PRKAG2: variants seen among roughly 807,000 people sequenced by gnomAD.
The protein encoded by PRKAG2 is protein kinase AMP-activated non-catalytic subunit gamma 2.
Under a neutral mutation model 69.6 loss-of-function variants are expected in PRKAG2, and 26 were observed. The ratio of observed to expected loss-of-function variants is 0.37; its 90% CI spans 0.27 to 0.52. PRKAG2 has a LOEUF of 0.52. Among genes scored for constraint, PRKAG2 ranks in the 20% least tolerant of loss-of-function variants. The probability of loss-of-function intolerance (pLI) is 0.90; values close to 1 mark genes in which losing one functional copy is unlikely to be tolerated. For synonymous variants in PRKAG2, 293 were observed against 285.0 expected (o/e 1.03, Z -0.28); for missense variants, 557 against 740.0 (o/e 0.75, Z 2.87).
chr7:151,704,694 A>T (rs1280464689), intron 3 of PRKAG2, among the ~76,000 whole-genome samples: 1 of 152,232 alleles, frequency 6.6e-6, no homozygotes, highest in Non-Finnish European at 1.5e-5. Flanking sequence ...AAGTCTGAGC[A>T]TTTGTGGAAC....
At chr7:151,846,607 C>T (rs1201906815) in intron 1 of PRKAG2, among the ~76,000 whole-genome samples, 6 of 152,174 alleles carry the variant, frequency 3.9e-5, no homozygotes, top group Admixed American at 1.3e-4. Flanking sequence ...TAACTTAGGA[C>T]GCTGGCAGGA....
intron 3 of PRKAG2, among the ~76,000 whole-genome samples, chr7:151,763,698 T>C (rs1287152541): frequency 1.3e-5 from 2 of 152,270 alleles, no homozygotes; most frequent in Non-Finnish European, 2.9e-5. Context: ...GTGACCCATA[T>C]GCCTCCTTGG....
Position 151,596,183 on chromosome 7 carries a change from G to A in PRKAG2, c.755-729C>T, listed in dbSNP as rs182670098. ...AATATGGAAACAAGGAAGTTAAATT[G>A]TCCCTGTTTGCAGATGACATAATCT... On this transcript the variant is annotated intron_variant, in intron 5 of 15. Coordinates refer to ENST00000287878, the MANE Select transcript of PRKAG2 (RefSeq NM_016203.4). Among the ~76,000 whole-genome samples the A allele has an allele frequency of 3.7e-3, 569 of 152,230 alleles. 4 individuals are homozygous for A. Among genetic ancestry groups the A allele is most frequent in the Non-Finnish European group, 6.1e-3 (413 of 68,002 alleles).
rs1300849427 is a variant in PRKAG2, at chr7:151,777,520, C to CT, written c.466+3631_466+3632insA. ...GGGTGCTTTAAAGACTCCAGTACCT[C>CT]CCCCCTCTCTCTTGCTCCCTTGCGT... On this transcript the variant is annotated intron_variant, in intron 3 of 15. Transcript: ENST00000287878. The surrounding 1 kb of genome is among the most constrained non-coding windows in gnomAD (Gnocchi z 4.3). Among the ~76,000 whole-genome samples the CT allele has an allele frequency of 2.0e-4, 31 of 152,256 alleles. No homozygotes were observed. Among genetic ancestry groups the CT allele is most frequent in the Admixed American group, 1.7e-3 (26 of 15,306 alleles).
At chr7:151,679,832 A>C (rs1314873575) in intron 3 of PRKAG2, among the ~76,000 whole-genome samples, 1 of 152,044 alleles carries the variant, frequency 6.6e-6, no homozygotes, top group Non-Finnish European at 1.5e-5. Flanking sequence ...TGGGAGGCTG[A>C]GGGAGAAGGA....
intron 4 of PRKAG2, among the ~76,000 whole-genome samples, chr7:151,673,523 A>C (rs1300078843): frequency 7.9e-5 from 12 of 152,134 alleles, no homozygotes; most frequent in African/African-American, 2.9e-4. Flanking sequence ...TTCAGTTCCC[A>C]ATCAGATTGT....
chr7:151,601,110 G>A (rs531225937), intron 5 of PRKAG2, among the ~76,000 whole-genome samples: 1 of 152,064 alleles, frequency 6.6e-6, no homozygotes, highest in Non-Finnish European at 1.5e-5. Context: ...CCTGTGTCCT[G>A]GGCCCTGTCC....
rs918004877 is a variant in PRKAG2, at chr7:151,654,850, G to A, written c.684+20570C>T. Among the ~76,000 whole-genome samples the A allele has an allele frequency of 5.3e-5, 8 of 152,130 alleles. No individual in the cohort carries two copies. The South Asian group carries it at 6.2e-4, about 12-fold the overall frequency. ...TGGGGCTACAGGCATGTGCCACCAC[G>A]CCTGGCTAATTTTTGTATTTTTAGT... On this transcript the variant is annotated intron_variant, in intron 4 of 15. Coordinates refer to ENST00000287878, the MANE Select transcript of PRKAG2 (RefSeq NM_016203.4).
At chr7:151,675,678 C>T (rs755111030) in intron 3 of PRKAG2, 41 bp from the exon 4 acceptor site, 16 of 1,557,474 alleles carry the variant, frequency 1.0e-5, no homozygotes, top group Non-Finnish European at 1.4e-5. Context: ...GTCCGGCTTC[C>T]AGGAAGGGAC....
intron 6 of PRKAG2, among the ~76,000 whole-genome samples, chr7:151,587,270 C>T (rs73158109): frequency 0.14 from 21,970 of 151,970 alleles, 1,669 homozygotes; most frequent in East Asian, 0.27. Context: ...GGATTATAAC[C>T]CAAAAATAAA....
At chr7:151,758,211 T>C (rs2075216668) in intron 3 of PRKAG2, among the ~76,000 whole-genome samples, 1 of 152,160 alleles carries the variant, frequency 6.6e-6, no homozygotes, top group African/African-American at 2.4e-5. Context: ...TCAGTAGCAG[T>C]TACTGGGTGT....
At chr7:151,770,435 A>C (rs1586406282) in intron 3 of PRKAG2, among the ~76,000 whole-genome samples, 1 of 152,186 alleles carries the variant, frequency 6.6e-6, no homozygotes, top group South Asian at 2.1e-4. Context: ...TAACCTGTTG[A>C]ATATGTACAT....
At chr7:151,649,213 C>A (rs147071389) in intron 4 of PRKAG2, among the ~76,000 whole-genome samples, 1 of 152,088 alleles carries the variant, frequency 6.6e-6, no homozygotes, top group Admixed American at 6.6e-5. Context: ...GCAACCTCCA[C>A]CTCCCAGGTT....
Position 151,781,440 on chromosome 7 carries a change from A to T in PRKAG2, c.187-9T>A. On this transcript the variant is annotated splice_polypyrimidine_tract_variant and intron_variant, in intron 2 of 15. Transcript: ENST00000287878. The surrounding 1 kb of genome is among the most constrained non-coding windows in gnomAD (Gnocchi z 6.1). The stretch of plus-strand genomic sequence containing the variant: ...CCGAAGGGGCTGTCCACCTGCAGAA[A>T]AACAGACGAATGGATGCAGTCACTC... 1 of 1,599,260 alleles carries T rather than the reference A, an allele frequency of 6.3e-7. No homozygotes were observed. The highest frequency in any genetic ancestry group is 8.5e-7 in the Non-Finnish European group (1 of 1,173,670).
chr7:151,855,158 T>TCCACACACACCGCCCTCCACACACACCGC, intron 1 of PRKAG2, among the ~76,000 whole-genome samples: 1 of 4,040 alleles, frequency 2.5e-4, no homozygotes, highest in Non-Finnish European at 4.0e-4. Flanking sequence ...ACACACACCA[T>TCCACACACACCGCCCTCCACACACACCGC]CCTCCACACA....
intron 1 of PRKAG2, among the ~76,000 whole-genome samples, chr7:151,864,169 C>A (rs2080003977): frequency 6.6e-6 from 1 of 152,180 alleles, no homozygotes; most frequent in African/African-American, 2.4e-5. Context: ...GCCTCAAGAG[C>A]AGGCATCTCA....
At chr7:151,740,947 T>A (rs1248278363) in intron 3 of PRKAG2, among the ~76,000 whole-genome samples, 1 of 152,232 alleles carries the variant, frequency 6.6e-6, no homozygotes, top group African/African-American at 2.4e-5. Flanking sequence ...AGCCCAAACT[T>A]AACTGTGATT....
Position 151,836,894 on chromosome 7 carries a change from C to T in PRKAG2, c.114+39613G>A, listed in dbSNP as rs1179629318. Among the ~76,000 whole-genome samples, 3 of 152,336 alleles carry T rather than the reference C, an allele frequency of 2.0e-5. No individual in the cohort carries two copies. The highest frequency in any genetic ancestry group is 2.1e-4 in the South Asian group (1 of 4,826). On this transcript the variant is annotated intron_variant, in intron 1 of 15. Coordinates refer to ENST00000287878, the MANE Select transcript of PRKAG2 (RefSeq NM_016203.4). This position sits in a 1 kb window ranked among gnomAD's most constrained non-coding sequence, Gnocchi z 4.1. ...AACAGCGGAAGCAGAACAGAGTGAG[C>T]ACTCCAGACGCGAAAGGGCCCGGCC...
At chr7:151,730,463 C>G (rs10807989) in intron 3 of PRKAG2, among the ~76,000 whole-genome samples, 1 of 151,984 alleles carries the variant, frequency 6.6e-6, no homozygotes, top group Admixed American at 6.5e-5. Context: ...CCCAGGAGTT[C>G]GAGACCACCC....
Sources: allele counts gnomAD v4.1 joint callset (sites outside exome capture counted in the v4.1 genomes callset), GRCh38; gene constraint gnomAD v4.1.1; non-coding constraint Gnocchi (gnomAD v3.1); transcripts MANE v1.5; gene names NCBI Gene and HGNC (gene_info 2026-07-23, HGNC 2026-07-21).